The following USP9Y variants were observed in gnomAD, a reference collection of about 807,000 sequenced individuals.
USP9Y encodes the protein ubiquitin specific peptidase 9 Y-linked, also known as ubiquitin carboxyl-terminal hydrolase 9Y.
Under a neutral mutation model 53.1 loss-of-function variants are expected in USP9Y, and 41 were observed. The observed-to-expected ratio is 0.77, with a 90% CI of 0.60 to 1.00. The LOEUF is 1.00. Among genes scored for constraint, USP9Y ranks in the 50% least tolerant of loss-of-function variants. USP9Y has a pLI of 0.00. For synonymous variants in USP9Y, 220 were observed against 173.7 expected (o/e 1.27, Z -2.09); for missense variants, 567 against 535.8 (o/e 1.06, Z -0.58).
At position 12,778,669 on chromosome Y, in the gene USP9Y, G is replaced by A. The variant is rs754854002; in HGVS notation, c.2944G>A (p.Asp982Asn). ...GCCATCAAGTCCTGATAGCTCTTCC[G>A]ATTCCTCAACTGCATCTCCTGGAAA... Reference protein sequence around the residue: ...NMPSSPDSSSDSSTASPGNHR... With the variant: ...NMPSSPDSSSNSSTASPGNHR... The change falls in exon 21 of 46, where the codon GAT becomes AAT. Residue 982 changes from aspartate (D) to asparagine (N), a missense_variant. By Grantham distance (23) the Asp-to-Asn change is conservative. Coordinates refer to ENST00000338981, the MANE Select transcript of USP9Y (RefSeq NM_004654.4). The A allele has an allele frequency of 1.0e-5, 4 of 396,309 alleles. No homozygotes were observed. Among genetic ancestry groups the A allele is most frequent in the East Asian group, 9.3e-5 (1 of 10,802 alleles).
At chrY:12,796,407 G>A (rs531314954) in intron 27 of USP9Y, among the ~76,000 whole-genome samples, 10 of 32,633 alleles carry the variant, frequency 3.1e-4, no homozygotes, top group African/African-American at 8.5e-4. Flanking sequence ...TAGTAAAATA[G>A]AAAAATTAGC....
At chrY:12,777,391 T>A in intron 19 of USP9Y, among the ~76,000 whole-genome samples, 1 of 33,370 alleles carries the variant, frequency 3.0e-5, no homozygotes, top group Non-Finnish European at 7.4e-5. Context: ...CATATAAGTA[T>A]AACTAAAGTC....
intron 22 of USP9Y, 67 bp downstream of exon 22, chrY:12,779,713 G>T: frequency 3.1e-6 from 1 of 327,469 alleles, no homozygotes. Flanking sequence ...GGATGAAAAA[G>T]AAAATATTAA....
chrY:12,761,573 A>G (rs2053475384), intron 15 of USP9Y, among the ~76,000 whole-genome samples: 5 of 33,356 alleles, frequency 1.5e-4, no homozygotes, highest in African/African-American at 2.4e-4. Flanking sequence ...TTCTACATGT[A>G]TAGTTGTATG....
At chrY:12,778,865 A>C in intron 21 of USP9Y, 110 bp downstream of exon 21, 6 of 193,661 alleles carry the variant, frequency 3.1e-5, no homozygotes, top group Non-Finnish European at 5.3e-5. Context: ...TCAACGGTAT[A>C]GTCAACTGTT....
rs778791656 is a variant in USP9Y, at chrY:12,749,600, C to G, written c.1423-7592C>G. On this transcript the variant is annotated intron_variant, in intron 12 of 45. Coordinates refer to ENST00000338981, the MANE Select transcript of USP9Y (RefSeq NM_004654.4). The stretch of plus-strand genomic sequence containing the variant: ...TTGATGGATGGGTGTGTATAGTATG[C>G]TGGTAAGAGTTTTAGATTTACTTTT... 1.5e-4 allele frequency among the ~76,000 whole-genome samples: 5 copies of G among 33,410 alleles called. No homozygotes were observed. The East Asian group carries it at 3.2e-3, about 21-fold the overall frequency. 89.6% of individuals were successfully genotyped at this position (33,410 alleles called of 37,273 possible).
chrY:12,720,179 C>T (rs2148280056), intron 3 of USP9Y, among the ~76,000 whole-genome samples: 1 of 33,373 alleles, frequency 3.0e-5, no homozygotes, highest in East Asian at 8.3e-4. Context: ...GGGTGGATCA[C>T]CTGAGGTCAG....
intron 15 of USP9Y, among the ~76,000 whole-genome samples, chrY:12,761,185 C>T: frequency 2.9e-5 from 1 of 33,950 alleles, no homozygotes; most frequent in African/African-American, 1.1e-4. Context: ...ATCTTGAACT[C>T]CTGGGCTCAA....
chrY:12,755,162 C>A, intron 12 of USP9Y, among the ~76,000 whole-genome samples: 1 of 21,363 alleles, frequency 4.7e-5, no homozygotes, highest in South Asian at 1.1e-3. Flanking sequence ...TGTTTTCTTT[C>A]TTTTTTTTTT....
chrY:12,769,777 A>AGTGTGTGTGT (rs34777653), intron 15 of USP9Y, among the ~76,000 whole-genome samples: 1 of 29,727 alleles, frequency 3.4e-5, no homozygotes, highest in Non-Finnish European at 8.2e-5. Flanking sequence ...CTTTTGAATA[A>AGTGTGTGTGT]GTGTGTGTGT....
intron 12 of USP9Y, among the ~76,000 whole-genome samples, chrY:12,741,736 T>A: frequency 2.1e-4 from 7 of 33,502 alleles, no homozygotes; most frequent in Non-Finnish European, 4.4e-4. Flanking sequence ...CTAATTTGTT[T>A]CCTAGGAGTT....
intron 33 of USP9Y, among the ~76,000 whole-genome samples, chrY:12,822,999 G>C: frequency 3.1e-5 from 1 of 32,269 alleles, no homozygotes. Flanking sequence ...CCGAGTAGCT[G>C]GGATTACAGG....
At chrY:12,832,689 T>C in intron 33 of USP9Y, among the ~76,000 whole-genome samples, 1 of 33,889 alleles carries the variant, frequency 3.0e-5, no homozygotes. Flanking sequence ...ATCTATATGC[T>C]TTCCTGTATG....
chrY:12,804,205 A>G (rs773429956), intron 27 of USP9Y, among the ~76,000 whole-genome samples: 2 of 33,262 alleles, frequency 6.0e-5, no homozygotes, highest in Non-Finnish European at 1.5e-4. Context: ...TAAGAAAGTT[A>G]TAACACTTTT....
At chrY:12,751,101 A>G (rs2053463970) in intron 12 of USP9Y, among the ~76,000 whole-genome samples, 1 of 31,050 alleles carries the variant, frequency 3.2e-5, no homozygotes, top group Admixed American at 2.9e-4. Context: ...TCTGCCTCCC[A>G]GGTTCATGCC....
chrY:12,749,217 T>C (rs2053462440), intron 12 of USP9Y, among the ~76,000 whole-genome samples: 1 of 33,178 alleles, frequency 3.0e-5, no homozygotes, highest in African/African-American at 1.2e-4. Flanking sequence ...AATTGGGGCT[T>C]TCCCAGAGTG....
At chrY:12,764,209 C>T (rs780630132) in intron 15 of USP9Y, among the ~76,000 whole-genome samples, 1 of 33,196 alleles carries the variant, frequency 3.0e-5, no homozygotes, top group South Asian at 6.8e-4. Context: ...GGATTTGCCT[C>T]TCAGTAGTCA....
rs748841377 is a variant in USP9Y, at chrY:12,793,163, G to C, written c.3945G>C (p.Gln1315His). The change falls in exon 27 of 46, where the codon CAG becomes CAC. Residue 1315 changes from glutamine to histidine, a missense_variant. Coordinates refer to ENST00000338981, the MANE Select transcript of USP9Y (RefSeq NM_004654.4). ...CACTTAGTAAAGAAAAAGCCTGGCA[G>C]ACCTTCATCATTGACTTATTATTGC... ...LDALSKEKAW[Q>H]TFIIDLLLHC... 21 of 396,453 alleles carry C rather than the reference G, an allele frequency of 5.3e-5. No homozygotes were observed. In the East Asian group the frequency reaches 1.8e-3, roughly 33 times the overall value.
At chrY:12,737,931 A>T (rs2053453216) in intron 10 of USP9Y, among the ~76,000 whole-genome samples, 1 of 33,512 alleles carries the variant, frequency 3.0e-5, no homozygotes, top group African/African-American at 1.2e-4. Flanking sequence ...ACCTATGGAA[A>T]GATTTTATAT....
Sources: gnomAD v4.1 joint callset for allele counts (sites outside exome capture counted in the v4.1 genomes callset) on GRCh38, gnomAD v4.1.1 for gene constraint, MANE v1.5 for transcripts, NCBI Gene and HGNC (gene_info 2026-07-23, HGNC 2026-07-21) for gene names.